PRKCH: variants seen among roughly 807,000 people sequenced by gnomAD.
PRKCH encodes protein kinase C eta type.
A neutral mutation model predicts 82.5 loss-of-function variants in PRKCH; 28 were observed. The ratio of observed to expected loss-of-function variants is 0.34; its 90% CI spans 0.25 to 0.47. The LOEUF is 0.47. Among genes scored for constraint, PRKCH ranks in the 20% least tolerant of loss-of-function variants. The probability of loss-of-function intolerance (pLI) is 1.00; values close to 1 mark genes in which losing one functional copy is unlikely to be tolerated. For missense variants in PRKCH, 705 were observed against 881.8 expected (o/e 0.80, Z 2.54); for synonymous variants, 322 against 327.4 (o/e 0.98, Z 0.18).
intron 2 of PRKCH, among the ~76,000 whole-genome samples, chr14:61,434,694 TACTTC>T (rs1220825915): frequency 1.3e-5 from 2 of 152,188 alleles, no homozygotes; most frequent in East Asian, 1.9e-4. Flanking sequence ...AAACATTTTC[TACTTC>T]ACTTCACCTT....
chr14:61,211,276 G>C (rs10444725), intron 1 of PRKCH, among the ~76,000 whole-genome samples: 5 of 152,016 alleles, frequency 3.3e-5, no homozygotes, highest in Non-Finnish European at 7.4e-5. Flanking sequence ...CAGTGACAGC[G>C]TGCACAGTGC....
chr14:61,235,109 C>A (rs936276249), intron 1 of PRKCH, among the ~76,000 whole-genome samples: 3 of 152,166 alleles, frequency 2.0e-5, no homozygotes, highest in Non-Finnish European at 1.5e-5. Context: ...GGAGGGAGTT[C>A]TTCTGATGGG....
Position 61,280,094 on chromosome 14 carries a change from A to G in PRKCH, c.-19+92426A>G. 2 of 1,605,546 alleles carry G rather than the reference A, an allele frequency of 1.2e-6. No individual in the cohort carries two copies. Among genetic ancestry groups the G allele is most frequent in the Non-Finnish European group, 8.5e-7 (1 of 1,175,712 alleles). ...GAGGGATCCCTGGAAAGCCGGAATC[A>G]CTCCTCGTCGTCGTCGTCCTGGTCC... On this transcript the variant is annotated intron_variant, in intron 1 of 3. Coordinates refer to the PRKCH transcript ENST00000555185. The surrounding 1 kb of genome is among the most constrained non-coding windows in gnomAD (Gnocchi z 5.0).
chr14:61,405,637 C>T, intron 2 of PRKCH, among the ~76,000 whole-genome samples: 1 of 152,216 alleles, frequency 6.6e-6, no homozygotes, highest in Non-Finnish European at 1.5e-5. Context: ...CTTGGCCTCC[C>T]AGAGTGCTGG....
chr14:61,508,644 G>T (rs987141492), intron 10 of PRKCH, among the ~76,000 whole-genome samples: 2 of 152,072 alleles, frequency 1.3e-5, no homozygotes, highest in African/African-American at 4.8e-5. Flanking sequence ...TTTCCATCTG[G>T]GTATCTTTGT....
At chr14:61,288,141 C>T (rs1047297067) in intron 1 of PRKCH, among the ~76,000 whole-genome samples, 6 of 151,940 alleles carry the variant, frequency 3.9e-5, no homozygotes, top group Non-Finnish European at 7.4e-5. Flanking sequence ...ACTCAGGTGC[C>T]CAACAAAGAC....
At chr14:61,359,405 C>T (rs189800362) in intron 1 of PRKCH, among the ~76,000 whole-genome samples, 1 of 152,318 alleles carries the variant, frequency 6.6e-6, no homozygotes, top group East Asian at 1.9e-4. Context: ...AAATATTTCA[C>T]ATTGCAGGCC....
intron 9 of PRKCH, among the ~76,000 whole-genome samples, chr14:61,481,294 T>C (rs1010535974): frequency 6.6e-6 from 1 of 152,206 alleles, no homozygotes; most frequent in African/African-American, 2.4e-5. Flanking sequence ...TCGTAAAGCC[T>C]GCGCACCAGG....
chr14:61,247,055 G>T (rs3920844), intron 1 of PRKCH, among the ~76,000 whole-genome samples: 1 of 152,150 alleles, frequency 6.6e-6, no homozygotes, highest in Admixed American at 6.5e-5. Flanking sequence ...ACAGAGAATT[G>T]CCTGCATCAC....
chr14:61,320,574 G>A (rs1349153452), upstream of PRKCH, among the ~76,000 whole-genome samples: 1 of 151,512 alleles, frequency 6.6e-6, no homozygotes, highest in Non-Finnish European at 1.5e-5. Context: ...ACTCCAGCCT[G>A]GGCAACAAAA....
intron 2 of PRKCH, among the ~76,000 whole-genome samples, chr14:61,406,751 A>G (rs1881971667): frequency 6.6e-6 from 1 of 152,182 alleles, no homozygotes; most frequent in African/African-American, 2.4e-5. Context: ...GACTGATTTG[A>G]AAGCATGATA....
rs71117807 is a variant in PRKCH, at chr14:61,281,870, C to CTTTTTTTTTTTTT, written c.-19+94221_-19+94233dup. On this transcript the variant is annotated intron_variant, in intron 1 of 3. Transcript: ENST00000555185. ...TTCAACGCCTGCGTTCAAATTTTAG[C>CTTTTTTTTTTTTT]TTTTTTTTTTTTTTTTTTTTTTTTT... 6.3e-5 allele frequency: 6 copies of CTTTTTTTTTTTTT among 94,866 alleles called. 2 individuals carry two copies. Among genetic ancestry groups the CTTTTTTTTTTTTT allele is most frequent in the African/African-American group, 1.5e-4 (3 of 19,876 alleles). 5.9% of individuals were successfully genotyped at this position (94,866 alleles called of 1,614,324 possible).
At chr14:61,446,744 A>C (rs1036881038) in intron 4 of PRKCH, among the ~76,000 whole-genome samples, 1 of 152,376 alleles carries the variant, frequency 6.6e-6, no homozygotes, top group Admixed American at 6.5e-5. Context: ...AATCGCTGTC[A>C]CTTTGTGGCA....
intron 12 of PRKCH, 112 bp downstream of exon 12, chr14:61,530,707 A>G (rs1342828377): frequency 1.0e-6 from 1 of 998,582 alleles, no homozygotes; most frequent in South Asian, 2.0e-5. Context: ...TCTAACTAAA[A>G]TTTGTATTGT....
chr14:61,449,277 T>A, intron 5 of PRKCH, 25 bp downstream of exon 5: 1 of 1,571,004 alleles, frequency 6.4e-7, no homozygotes, highest in South Asian at 1.1e-5. Context: ...GTTTGCTGAT[T>A]AAATGTGCGT....
Position 61,431,454 on chromosome 14 carries a change from AACTCCTGCTC to A in PRKCH, c.428-11656_428-11647del, listed in dbSNP as rs1453000976. On this transcript the variant is annotated intron_variant, in intron 2 of 13. Transcript: ENST00000332981. ...GTTCTCAAACTTTTTAATATACTTTAACTCCTGCTCTAAAACTTGCCTTGGTCTCATTCTA... is the reference window on the plus strand; with the variant it reads ...GTTCTCAAACTTTTTAATATACTTTATAAAACTTGCCTTGGTCTCATTCTA... Among the ~76,000 whole-genome samples the A allele has an allele frequency of 2.8e-4, 43 of 152,300 alleles. 2 individuals carry two copies. The South Asian group carries it at 8.9e-3, about 32-fold the overall frequency.
At chr14:61,376,063 CA>C (rs1298558953) in intron 1 of PRKCH, among the ~76,000 whole-genome samples, 1 of 150,058 alleles carries the variant, frequency 6.7e-6, no homozygotes, top group African/African-American at 2.5e-5. Context: ...ATTTTATTCA[CA>C]GTGTGGTGGG....
chr14:61,280,244 GGAGCTTGTGGC>G lies in PRKCH; in HGVS notation c.-19+92577_-19+92587del. 6.2e-7 allele frequency: 1 copy of G among 1,614,162 alleles called. No individual in the cohort carries two copies. Among genetic ancestry groups the G allele is most frequent in the South Asian group, 1.1e-5 (1 of 91,078 alleles). On this transcript the variant is annotated intron_variant, in intron 1 of 3. Coordinates refer to the PRKCH transcript ENST00000555185. This position sits in a 1 kb window ranked among gnomAD's most constrained non-coding sequence, Gnocchi z 5.0. ...ATCCACGAGATGCTGCTGAAGATGAGGAGCTTGTGGCCGCCGAACGCGCGCACCGGGTAGTT... is the reference window on the plus strand; with the variant it reads ...ATCCACGAGATGCTGCTGAAGATGAGCGCCGAACGCGCGCACCGGGTAGTT...
intron 1 of PRKCH, chr14:61,361,267 A>G (rs1566838283): frequency 1.3e-5 from 2 of 152,224 alleles, no homozygotes; most frequent in Admixed American, 6.5e-5. Flanking sequence ...ACTCTTCTGC[A>G]TGCGGTGTCC....
Sources: allele counts gnomAD v4.1 joint callset (sites outside exome capture counted in the v4.1 genomes callset), GRCh38; gene constraint gnomAD v4.1.1; non-coding constraint Gnocchi (gnomAD v3.1); transcripts MANE v1.5; gene names NCBI Gene and HGNC (gene_info 2026-07-23, HGNC 2026-07-21).